Variants in RELCH observed in about 807,000 individuals in gnomAD.
RELCH encodes the protein RAB11 binding and LisH domain, coiled-coil and HEAT repeat containing, also known as RAB11-binding protein RELCH.
In RELCH, 41 loss-of-function variants were observed where a neutral mutation model predicts 150.3. The observed-to-expected ratio is 0.27, with a 90% CI of 0.21 to 0.35. The LOEUF (loss-of-function observed/expected upper bound fraction) is 0.35, where lower values mean the gene tolerates loss of function less well. Among genes scored for constraint, RELCH ranks in the 10% least tolerant of loss-of-function variants. The pLI, the probability that RELCH is intolerant of heterozygous loss-of-function variation, is 1.00. For missense variants in RELCH, 1,092 were observed against 1,467.8 expected (o/e 0.74, Z 4.18); for synonymous variants, 478 against 531.8 (o/e 0.90, Z 1.39).
At chr18:62,244,380 T>A (rs944366365) in intron 10 of RELCH, among the ~76,000 whole-genome samples, 7 of 152,180 alleles carry the variant, frequency 4.6e-5, no homozygotes, top group Admixed American at 1.3e-4. Flanking sequence ...ATTATCTTTT[T>A]AAGTTTTAAA....
intron 21 of RELCH, 22 bp from the exon 22 acceptor site, chr18:62,275,352 T>TG: frequency 1.5e-6 from 2 of 1,293,372 alleles, no homozygotes; most frequent in East Asian, 2.4e-5. Context: ...ATTTTAACAC[T>TG]GTTTTTTTTT....
chr18:62,226,712 A>T (rs2041239169), intron 5 of RELCH, among the ~76,000 whole-genome samples: 2 of 152,076 alleles, frequency 1.3e-5, no homozygotes, highest in South Asian at 2.1e-4. Flanking sequence ...GAGATATAAT[A>T]AAAAAATTGT....
intron 13 of RELCH, among the ~76,000 whole-genome samples, chr18:62,257,323 A>G (rs2144640737): frequency 6.6e-6 from 1 of 152,188 alleles, no homozygotes; most frequent in Middle Eastern, 3.4e-3. Flanking sequence ...AACTATTAGC[A>G]TAAAAAAGAG....
intron 11 of RELCH, 33 bp from the exon 12 acceptor site, chr18:62,252,631 C>T (rs779824569): frequency 1.2e-5 from 18 of 1,555,844 alleles, no homozygotes; most frequent in Admixed American, 6.7e-5. Flanking sequence ...CTTTCTCATG[C>T]AAATACAAGC....
intron 1 of RELCH, among the ~76,000 whole-genome samples, chr18:62,210,582 C>T (rs2040092309): frequency 6.6e-6 from 1 of 152,154 alleles, no homozygotes; most frequent in Non-Finnish European, 1.5e-5. Context: ...GATATTAACT[C>T]CTTTCGTTTA....
Position 62,280,794 on chromosome 18 carries a change from T to C in RELCH, c.3114+85T>C, listed in dbSNP as rs74392175. ...ATCTGGTGGTAGGCTGCAGGGAGCA[T>C]CTTACCTTTTATTTTGTGCCCTAGT... On this transcript the variant is annotated intron_variant, in intron 24 of 28. Coordinates refer to ENST00000644646, the MANE Select transcript of RELCH (RefSeq NM_001346231.2). The C allele has an allele frequency of 2.2e-3, 1,946 of 899,488 alleles. 27 individuals are homozygous for C. In the African/African-American group the frequency reaches 0.028, roughly 13 times the overall value. 55.7% of individuals were successfully genotyped at this position (899,488 alleles called of 1,614,324 possible). A position where few individuals can be genotyped will look rare whatever the true frequency, so the allele number is the denominator to read the frequency against.
At chr18:62,247,769 ACTC>A (rs1469592640) in intron 11 of RELCH, among the ~76,000 whole-genome samples, 1 of 151,210 alleles carries the variant, frequency 6.6e-6, no homozygotes, top group African/African-American at 2.4e-5. Context: ...CTGGTCTTGA[ACTC>A]CTGGATTCAA....
intron 27 of RELCH, among the ~76,000 whole-genome samples, chr18:62,298,200 C>T (rs989643207): frequency 6.6e-6 from 1 of 151,990 alleles, no homozygotes; most frequent in Non-Finnish European, 1.5e-5. Flanking sequence ...AAGAGCCATT[C>T]ATTTTCTGGT....
intron 24 of RELCH, 88 bp from the exon 25 acceptor site, chr18:62,282,218 A>G: frequency 1.8e-6 from 2 of 1,135,902 alleles, no homozygotes; most frequent in South Asian, 1.3e-5. Context: ...CACTGCTTTA[A>G]GTCATGTTTA....
chr18:62,283,612 T>C (rs528596954), intron 25 of RELCH, among the ~76,000 whole-genome samples: 1 of 152,306 alleles, frequency 6.6e-6, no homozygotes, highest in Admixed American at 6.5e-5. Context: ...TGCACACTGA[T>C]CAAACTATAG....
rs557695003 is a variant in RELCH, at chr18:62,270,165, C to A, written c.2760+1217C>A. On this transcript the variant is annotated intron_variant, in intron 20 of 28. Transcript: ENST00000644646. ...CACATGGCTTCTGAAGCAGCAGAGC[C>A]AGACTTATCACATAGTGGCTAACGC... Among the ~76,000 whole-genome samples, 33 of 152,266 alleles carry A rather than the reference C, an allele frequency of 2.2e-4. 2 individuals are homozygous for A. In the South Asian group the frequency reaches 6.8e-3, roughly 32 times the overall value.
At chr18:62,301,690 T>G (rs1316789350) in intron 28 of RELCH, among the ~76,000 whole-genome samples, 1 of 152,150 alleles carries the variant, frequency 6.6e-6, no homozygotes, top group East Asian at 1.9e-4. Flanking sequence ...GTGCTAATGC[T>G]GCAGGTCTAG....
At chr18:62,240,552 G>A (rs1313822743) in intron 10 of RELCH, among the ~76,000 whole-genome samples, 1 of 151,608 alleles carries the variant, frequency 6.6e-6, no homozygotes, top group Non-Finnish European at 1.5e-5. Context: ...GCGACTACAG[G>A]TGCACACCAC....
intron 1 of RELCH, among the ~76,000 whole-genome samples, chr18:62,196,402 G>T (rs2039051219): frequency 6.6e-6 from 1 of 151,916 alleles, no homozygotes; most frequent in East Asian, 1.9e-4. Context: ...GCTAATTTTT[G>T]TATTTTTGGT....
At chr18:62,195,489 A>G (rs1489309285) in intron 1 of RELCH, among the ~76,000 whole-genome samples, 1 of 152,238 alleles carries the variant, frequency 6.6e-6, no homozygotes, top group East Asian at 1.9e-4. Context: ...AATCAAAATT[A>G]GACTGTAATT....
chr18:62,228,875 A>G lies in RELCH; in HGVS notation c.1448+277A>G, dbSNP rs1399345629. ...AACCCATAACTAATATGTTATTACT[A>G]TGTGCTGTAAACACTTACCCAGTGC... is the stretch of plus-strand genomic sequence containing the variant. On this transcript the variant is annotated intron_variant, in intron 8 of 28. Transcript: ENST00000644646. Among the ~76,000 whole-genome samples the G allele has an allele frequency of 3.9e-5, 6 of 152,066 alleles. No homozygotes were observed. The East Asian group carries it at 1.2e-3, about 29-fold the overall frequency.
chr18:62,301,886 A>G (rs1264376573), intron 28 of RELCH, among the ~76,000 whole-genome samples: 1 of 152,238 alleles, frequency 6.6e-6, no homozygotes, highest in African/African-American at 2.4e-5. Context: ...ATATTTGCTA[A>G]TAATTGTCAT....
Position 62,261,550 on chromosome 18 carries a change from T to C in RELCH, c.2242T>C (p.Tyr748His), listed in dbSNP as rs2043272567. Reference protein sequence around the residue: ...HGLDEHKLHMYLSALQSLIPS... With the variant: ...HGLDEHKLHMHLSALQSLIPS... The stretch of plus-strand genomic sequence containing the variant: ...ACTGGATGAACACAAACTCCACATG[T>C]ATCTTTCTGCCTTGCAGTCCTTGAT... Residue 748 changes from tyrosine to histidine, a missense_variant, in exon 16 of 29, where the codon TAT becomes CAT. This residue lies in a region of RELCH where 707 missense variants were observed against 1,025.4 expected (regional missense o/e 0.69). Transcript: ENST00000644646. The C allele has an allele frequency of 6.2e-7, 1 of 1,612,100 alleles. No homozygotes were observed. The highest frequency in any genetic ancestry group is 8.5e-7 in the Non-Finnish European group (1 of 1,178,758).
intron 1 of RELCH, 74 bp downstream of exon 1, chr18:62,188,105 T>C: frequency 1.4e-6 from 2 of 1,419,300 alleles, no homozygotes; most frequent in South Asian, 3.0e-5. Flanking sequence ...GGAGAGGGGG[T>C]ATTTCTGCGT....
Sources: gnomAD v4.1 joint callset for allele counts (sites outside exome capture counted in the v4.1 genomes callset) on GRCh38, gnomAD v4.1.1 for gene constraint, gnomAD v4.1.1 regional missense constraint, MANE v1.5 for transcripts, NCBI Gene and HGNC (gene_info 2026-07-23, HGNC 2026-07-21) for gene names.